The following ATAD2 variants were observed in gnomAD, a reference collection of about 807,000 sequenced individuals.
ATAD2 encodes the protein ATPase family AAA domain containing 2.
Under a neutral mutation model 168.9 loss-of-function variants are expected in ATAD2, and 62 were observed. The ratio of observed to expected loss-of-function variants is 0.37; its 90% CI spans 0.30 to 0.45. The LOEUF is 0.45. Among genes scored for constraint, ATAD2 ranks in the 20% least tolerant of loss-of-function variants. The pLI is 1.00. For synonymous variants in ATAD2, 613 were observed against 571.6 expected, an observed-to-expected ratio of 1.07 and a Z score of -1.03; for missense variants, 1,419 against 1,667.8, an observed-to-expected ratio of 0.85 and a Z score of 2.60.
chr8:123,379,014 T>C (rs1829410364), intron 2 of ATAD2, among the ~76,000 whole-genome samples: 1 of 151,830 alleles, frequency 6.6e-6, no homozygotes, highest in Non-Finnish European at 1.5e-5. Flanking sequence ...CCCAGGCTGG[T>C]ATCAAACTCC....
chr8:123,396,105 A>C (rs898756197), intron 1 of ATAD2, 82 bp downstream of exon 1: 2 of 1,404,286 alleles, frequency 1.4e-6, no homozygotes, highest in South Asian at 1.5e-5. Flanking sequence ...GGCGCCGCCC[A>C]CCCCCAGGCC....
intron 8 of ATAD2, among the ~76,000 whole-genome samples, chr8:123,367,763 A>G (rs1020811521): frequency 5.3e-5 from 8 of 152,216 alleles, no homozygotes; most frequent in African/African-American, 1.9e-4. Context: ...AAATAGGATG[A>G]TGAAATAAGA....
chr8:123,345,994 A>G, intron 18 of ATAD2, 92 bp downstream of exon 18: 1 of 1,053,096 alleles, frequency 9.5e-7, no homozygotes, highest in South Asian at 2.2e-5. Flanking sequence ...CAAATCAGAA[A>G]GACAAAAAAA....
At chr8:123,380,430 C>T (rs1289982085) in intron 2 of ATAD2, 99 bp downstream of exon 2, 20 of 1,244,430 alleles carry the variant, frequency 1.6e-5, no homozygotes, top group South Asian at 7.7e-5. Flanking sequence ...AGCCCTAGAA[C>T]CTTGATGACC....
intron 13 of ATAD2, among the ~76,000 whole-genome samples, chr8:123,354,864 A>AAAAAAAATAAAT (rs1554644338): frequency 1.5e-5 from 1 of 64,708 alleles, no homozygotes; most frequent in African/African-American, 8.7e-5. Context: ...AAAAAAAAAA[A>AAAAAAAATAAAT]ATATATATAT....
At position 123,389,984 on chromosome 8, in the gene ATAD2, A is replaced by ATATTT. The variant is rs1232318597; in HGVS notation, c.171+6202_171+6203insAAATA. On this transcript the variant is annotated intron_variant, in intron 1 of 27. Coordinates refer to ENST00000287394, the MANE Select transcript of ATAD2 (RefSeq NM_014109.4). ...TTTATATATATATATATATATATAT[A>ATATTT]TTTTTTTTTTTTTAGACAGAGTCTT... Among the ~76,000 whole-genome samples the ATATTT allele has an allele frequency of 6.1e-5, 7 of 115,186 alleles. 1 individual carries two copies. The highest frequency in any genetic ancestry group is 8.1e-3 in the Middle Eastern group (2 of 248). 75.6% of individuals were successfully genotyped at this position (115,186 alleles called of 152,430 possible).
intron 15 of ATAD2, chr8:123,347,904 T>A: frequency 2.5e-6 from 1 of 392,742 alleles, no homozygotes; most frequent in Non-Finnish European, 4.7e-6. Flanking sequence ...ATATTGTATT[T>A]TGTACAATTA....
intron 1 of ATAD2, among the ~76,000 whole-genome samples, chr8:123,403,421 T>TA (rs1346565621): frequency 1.3e-5 from 2 of 151,008 alleles, no homozygotes; most frequent in East Asian, 1.9e-4. Context: ...TTTTTTTTTT[T>TA]AAACATTTAT....
rs373814613 is a variant in ATAD2 at position 123,328,294 on chromosome 8, G to A, written c.3764C>T (p.Ser1255Phe). ...TTCTGTACATGCTGTAGTCTTCCTA[G>A]AGTCTTCAAGCTCATTCTCTATATT... The part of the protein sequence containing the change: ...TCNIENELED[S>F]RKTTACTELR... The change falls in exon 25 of 28, where the codon TCT (serine) becomes TTT (phenylalanine). Residue 1255 changes from serine to phenylalanine, a missense_variant. Physicochemically the swap from Ser to Phe is radical, Grantham distance 155. Transcript: ENST00000287394. 1.9e-6 allele frequency: 3 copies of A among 1,601,512 alleles called. No homozygotes were observed. Among genetic ancestry groups the A allele is most frequent in the East Asian group, 2.2e-5 (1 of 44,572 alleles).
chr8:123,321,578 ATATG>A (rs1471655484), intron 27 of ATAD2, among the ~76,000 whole-genome samples: 21 of 152,082 alleles, frequency 1.4e-4, no homozygotes, highest in Middle Eastern at 3.5e-3. Flanking sequence ...AATAATATGC[ATATG>A]TAAGTAATAT....
chr8:123,374,430 T>A (rs940491826), intron 2 of ATAD2, among the ~76,000 whole-genome samples: 2 of 152,208 alleles, frequency 1.3e-5, no homozygotes, highest in African/African-American at 2.4e-5. Flanking sequence ...GCTCACAGAC[T>A]TTTCTCATAA....
chr8:123,356,934 C>T (rs1208646551), intron 12 of ATAD2, among the ~76,000 whole-genome samples: 1 of 151,986 alleles, frequency 6.6e-6, no homozygotes, highest in Non-Finnish European at 1.5e-5. Flanking sequence ...GGTTATATAC[C>T]TTAGATTTCA....
At chr8:123,380,850 A>G (rs987271844) in intron 1 of ATAD2, 173 bp from the exon 2 acceptor site, 1 of 615,760 alleles carries the variant, frequency 1.6e-6, no homozygotes, top group Non-Finnish European at 2.8e-6. Flanking sequence ...ATTTCATGAT[A>G]AACAAATATC....
intron 27 of ATAD2, 79 bp downstream of exon 27, chr8:123,322,859 A>G: frequency 7.0e-7 from 1 of 1,425,238 alleles, no homozygotes; most frequent in East Asian, 2.4e-5. Context: ...GATTAAATAA[A>G]GCCTCAACAA....
intron 24 of ATAD2, among the ~76,000 whole-genome samples, chr8:123,329,410 G>GC (rs1827709564): frequency 6.6e-6 from 1 of 151,956 alleles, no homozygotes; most frequent in South Asian, 2.1e-4. Flanking sequence ...GTATGCCACT[G>GC]CATCAAGCAT....
chr8:123,386,933 G>C (rs1018627899), intron 1 of ATAD2, among the ~76,000 whole-genome samples: 4 of 150,838 alleles, frequency 2.7e-5, no homozygotes, highest in Non-Finnish European at 4.4e-5. Flanking sequence ...AAAAAATTAT[G>C]TGGGAGTCCT....
chr8:123,334,404 G>C (rs1827858735), intron 22 of ATAD2, 82 bp from the exon 23 acceptor site: 1 of 1,245,972 alleles, frequency 8.0e-7, no homozygotes. Context: ...ATTAGGCTAA[G>C]ATAGTAGCTC....
chr8:123,362,099 C>T lies in ATAD2; in HGVS notation c.1050-453G>A, dbSNP rs189314292. On this transcript the variant is annotated intron_variant, in intron 8 of 27. Transcript: ENST00000287394. Reference sequence around the variant, plus strand: ...GACATTGTCTCCACTAAAAATCATTCGAGCAACTTGGCAAGATTTGGTCTC... The same window carrying T: ...GACATTGTCTCCACTAAAAATCATTTGAGCAACTTGGCAAGATTTGGTCTC... 8.5e-5 allele frequency among the ~76,000 whole-genome samples: 13 copies of T among 152,166 alleles called. No homozygotes were observed. The East Asian group carries it at 1.4e-3, about 16-fold the overall frequency.
chr8:123,335,187 T>A (rs570886155), intron 22 of ATAD2, among the ~76,000 whole-genome samples: 3 of 152,128 alleles, frequency 2.0e-5, no homozygotes, highest in Non-Finnish European at 4.4e-5. Context: ...ATTGCCACAA[T>A]AGACAGAAAG....
Sources: allele counts gnomAD v4.1 joint callset (sites outside exome capture counted in the v4.1 genomes callset), GRCh38; gene constraint gnomAD v4.1.1; transcripts MANE v1.5; gene names NCBI Gene and HGNC (gene_info 2026-07-23, HGNC 2026-07-21).